The following ADAMTS15 variants were observed in gnomAD, a reference collection of about 807,000 sequenced individuals.
ADAMTS15 encodes the protein ADAM metallopeptidase with thrombospondin type 1 motif 15, also known as A disintegrin and metalloproteinase with thrombospondin motifs 15.
ADAMTS15 carries 35 observed loss-of-function variants against 79.1 expected under a neutral mutation model. That is an observed-to-expected ratio of 0.44 (90% confidence interval 0.34 to 0.59). The LOEUF is 0.59. Ranked by LOEUF, ADAMTS15 falls within the 20% of genes least tolerant of loss-of-function variation. ADAMTS15 has a pLI of 0.02. For missense variants in ADAMTS15, 1,324 were observed against 1,318.7 expected (o/e 1.00, Z -0.06); for synonymous variants, 616 against 567.3 (o/e 1.09, Z -1.22).
intron 4 of ADAMTS15, among the ~76,000 whole-genome samples, chr11:130,466,457 C>T (rs922219411): frequency 2.0e-5 from 3 of 152,184 alleles, no homozygotes; most frequent in Admixed American, 6.5e-5. Context: ...GCGCTGGCAA[C>T]TCCACATTCT....
At position 130,473,929 on chromosome 11, in the gene ADAMTS15, G is replaced by C; in HGVS notation, c.*108G>C. 1 of 1,389,876 alleles carries C rather than the reference G, an allele frequency of 7.2e-7. No individual in the cohort carries two copies. Among genetic ancestry groups the C allele is most frequent in the Non-Finnish European group, 9.5e-7 (1 of 1,050,190 alleles). The allele number at this position is 1,389,876 out of a possible 1,614,324, so 86.1% of individuals were successfully genotyped here. A position where few individuals can be genotyped will look rare whatever the true frequency, so the allele number is the denominator to read the frequency against. On this transcript the variant is annotated 3_prime_UTR_variant, in exon 8 of 8. Transcript: ENST00000299164. Reference sequence around the variant, plus strand: ...GGTGGCCAGGGGCTCACGCCACGATGTCACCCACATCCGGGGACAAGGACC... The same window carrying C: ...GGTGGCCAGGGGCTCACGCCACGATCTCACCCACATCCGGGGACAAGGACC...
At chr11:130,451,291 A>C (rs897602597) in intron 1 of ADAMTS15, among the ~76,000 whole-genome samples, 1 of 152,200 alleles carries the variant, frequency 6.6e-6, no homozygotes, top group East Asian at 1.9e-4. Context: ...GGACTGGCGC[A>C]CACAGTCTGG....
chr11:130,464,452 C>T (rs1592147785), intron 4 of ADAMTS15, among the ~76,000 whole-genome samples: 1 of 152,268 alleles, frequency 6.6e-6, no homozygotes, highest in African/African-American at 2.4e-5. Context: ...CTGCAGCTCC[C>T]ACAGATCTGT....
rs1324345446 is a variant in ADAMTS15, at chr11:130,448,937, C to A, written c.-37C>A. 3.4e-6 allele frequency: 5 copies of A among 1,457,282 alleles called. No homozygotes were observed. Among genetic ancestry groups the A allele is most frequent in the South Asian group, 1.6e-5 (1 of 64,340 alleles). 90.3% of individuals were successfully genotyped at this position (1,457,282 alleles called of 1,614,324 possible). On this transcript the variant is annotated 5_prime_UTR_variant, in exon 1 of 8. Transcript: ENST00000299164. ...GCAGCGGCCGGAGAGCCCGGCCCAG[C>A]CCCTTCCCACAGCGCGGCGGTGCGC...
rs977077782 is a variant in ADAMTS15, at chr11:130,472,812, G to A, written c.2079-235G>A. Among the ~76,000 whole-genome samples the A allele has an allele frequency of 9.2e-5, 14 of 152,312 alleles. No individual in the cohort carries two copies. Among genetic ancestry groups the A allele is most frequent in the African/African-American group, 2.9e-4 (12 of 41,568 alleles). On this transcript the variant is annotated intron_variant, in intron 7 of 7. Coordinates refer to ENST00000299164, the MANE Select transcript of ADAMTS15 (RefSeq NM_139055.4). The surrounding 1 kb of genome is among the most constrained non-coding windows in gnomAD (Gnocchi z 4.7). The stretch of plus-strand genomic sequence containing the variant: ...AGTCCTCCCTGCAATTCAGTGAGGT[G>A]TGTGGAATTCTGAGCTCCACTTTAC...
chr11:130,459,025 G>GTTTTTTTTT (rs757221690), intron 1 of ADAMTS15, among the ~76,000 whole-genome samples: 2 of 75,408 alleles, frequency 2.7e-5, no homozygotes, highest in African/African-American at 1.3e-4. Flanking sequence ...CCTCCCAAGT[G>GTTTTTTTTT]TTTTTTTTTT....
chr11:130,452,962 A>C (rs1937994884), intron 1 of ADAMTS15, among the ~76,000 whole-genome samples: 1 of 146,542 alleles, frequency 6.8e-6, no homozygotes, highest in African/African-American at 2.6e-5. Context: ...GCCTGGTGAC[A>C]GAGTGAGGCT....
intron 5 of ADAMTS15, among the ~76,000 whole-genome samples, chr11:130,470,596 A>C (rs973186217): frequency 2.0e-5 from 3 of 152,154 alleles, no homozygotes; most frequent in Non-Finnish European, 4.4e-5. Context: ...TTGTATAGCA[A>C]ATGTAACTGG....
rs766840294 is a variant in ADAMTS15 at position 130,473,358 on chromosome 11, CCTT to C, written c.2393_2395del (p.Phe798del). ...ATGACACCGCCCCGGGTCCGCTACT[CCTT>C]CTATCTGCCCAAAGAGCCTCGGGAG... On this transcript the variant is annotated inframe_deletion, in exon 8 of 8. Coordinates refer to ENST00000299164, the MANE Select transcript of ADAMTS15 (RefSeq NM_139055.4). 14 of 1,612,918 alleles carry C rather than the reference CCTT, an allele frequency of 8.7e-6. No individual in the cohort carries two copies. In the Admixed American group the frequency reaches 1.2e-4, roughly 13 times the overall value.
In ADAMTS15 at chr11:130,465,203, G is replaced by GA. The variant is rs1297071461; in HGVS notation, c.1542+2429dup. Among the ~76,000 whole-genome samples the GA allele has an allele frequency of 7.2e-5, 11 of 152,056 alleles. No homozygotes were observed. The South Asian group carries it at 1.0e-3, about 14-fold the overall frequency. On this transcript the variant is annotated intron_variant, in intron 4 of 7. Coordinates refer to ENST00000299164, the MANE Select transcript of ADAMTS15 (RefSeq NM_139055.4). Reference sequence around the variant, plus strand: ...CCTTTCTTCTCATTTCCCGACGGGGGAAAAAACCAAGTAATCAGAAGGGAA... The same window carrying GA: ...CCTTTCTTCTCATTTCCCGACGGGGGAAAAAAACCAAGTAATCAGAAGGGAA...
intron 5 of ADAMTS15, among the ~76,000 whole-genome samples, 175 bp downstream of exon 5, chr11:130,469,614 A>G (rs552386504): frequency 6.6e-6 from 1 of 152,368 alleles, no homozygotes; most frequent in Admixed American, 6.5e-5. Context: ...GACTGCAGTC[A>G]GGATTCCAAC....
Position 130,449,650 on chromosome 11 carries a change from C to T in ADAMTS15, c.677C>T (p.Ala226Val). The T allele has an allele frequency of 3.1e-6, 5 of 1,598,974 alleles. No individual in the cohort carries two copies. The highest frequency in any genetic ancestry group is 3.4e-6 in the Non-Finnish European group (4 of 1,173,198). Residue 226 changes from alanine (A) to valine (V), a missense_variant, in exon 1 of 8, where the codon GCG (alanine) becomes GTG (valine). Transcript: ENST00000299164. The surrounding 1 kb of genome is among the most constrained non-coding windows in gnomAD (Gnocchi z 7.8). Reference sequence around the variant, plus strand: ...CGGTACGTGGAGACGCTGGTGGTCGCGGACGAGTCAATGGTCAAGTTCCAC... The same window carrying T: ...CGGTACGTGGAGACGCTGGTGGTCGTGGACGAGTCAATGGTCAAGTTCCAC... Reference protein sequence around the residue: ...IPRYVETLVVADESMVKFHGA... With the variant: ...IPRYVETLVVVDESMVKFHGA...
rs1292483518 is a variant in ADAMTS15 at position 130,461,763 on chromosome 11, G to C, written c.1090+142G>C. 3.0e-6 allele frequency: 4 copies of C among 1,339,278 alleles called. No individual in the cohort carries two copies. In the African/African-American group the frequency reaches 5.9e-5, roughly 20 times the overall value. The allele number at this position is 1,339,278 out of a possible 1,614,324, so 83.0% of individuals were successfully genotyped here. A position where few individuals can be genotyped will look rare whatever the true frequency, so the allele number is the denominator to read the frequency against. On this transcript the variant is annotated intron_variant, in intron 2 of 7. Transcript: ENST00000299164. ...CACAGTGAGCCTTAGCAGCAGCTTT[G>C]TACTTTTTCCGATTGCCCCAGCCCC...
Position 130,474,525 on chromosome 11 carries a change from C to A in ADAMTS15, c.*704C>A, listed in dbSNP as rs1472161700. 38 of 152,404 alleles carry A rather than the reference C, an allele frequency of 2.5e-4. No homozygotes were observed. The highest frequency in any genetic ancestry group is 2.5e-3 in the Admixed American group (38 of 15,284). The allele number at this position is 152,404 out of a possible 1,614,324, so 9.4% of individuals were successfully genotyped here. On this transcript the variant is annotated 3_prime_UTR_variant, in exon 8 of 8. Transcript: ENST00000299164. Reference sequence around the variant, plus strand: ...GGTAGGGCTGCCACGGAAGTGTCCTCTGAGGCTCTGCAGGTAGCGGGGAAA... The same window carrying A: ...GGTAGGGCTGCCACGGAAGTGTCCTATGAGGCTCTGCAGGTAGCGGGGAAA...
At chr11:130,450,299 G>A (rs1190524870) in intron 1 of ADAMTS15, 2 of 985,350 alleles carry the variant, frequency 2.0e-6, no homozygotes, top group Non-Finnish European at 2.4e-6. Flanking sequence ...GAGAGGGCGG[G>A]AACGGCCCAC....
rs528852890 is a variant in ADAMTS15, at chr11:130,466,168, C to T, written c.1543-3094C>T. 1.9e-4 allele frequency among the ~76,000 whole-genome samples: 29 copies of T among 152,312 alleles called. No individual in the cohort carries two copies. The South Asian group carries it at 3.9e-3, about 21-fold the overall frequency. On this transcript the variant is annotated intron_variant, in intron 4 of 7. Coordinates refer to ENST00000299164, the MANE Select transcript of ADAMTS15 (RefSeq NM_139055.4). ...GATCACAGGCGTGAGCCACCGCGCC[C>T]GGCCTGTACTCTCATTTTCTGAAGT...
rs1231682514 is a variant in ADAMTS15 at position 130,472,878 on chromosome 11, C to T, written c.2079-169C>T. Among the ~76,000 whole-genome samples, 3 of 152,248 alleles carry T rather than the reference C, an allele frequency of 2.0e-5. No individual in the cohort carries two copies. The East Asian group carries it at 5.8e-4, about 29-fold the overall frequency. Reference sequence around the variant, plus strand: ...GGCTTGGAGAAGTTCAGCAGCTTTCCAGCACCAATCGCCAAGGGGCAGGGA... The same window carrying T: ...GGCTTGGAGAAGTTCAGCAGCTTTCTAGCACCAATCGCCAAGGGGCAGGGA... On this transcript the variant is annotated intron_variant, in intron 7 of 7. Transcript: ENST00000299164. This position sits in a 1 kb window ranked among gnomAD's most constrained non-coding sequence, Gnocchi z 4.7.
intron 1 of ADAMTS15, among the ~76,000 whole-genome samples, chr11:130,459,103 G>C (rs1235078340): frequency 1.4e-5 from 2 of 139,442 alleles, no homozygotes; most frequent in Non-Finnish European, 3.0e-5. Context: ...GCGTGATCAC[G>C]GGTCACTGTA....
chr11:130,465,638 A>G (rs760952398), intron 4 of ADAMTS15, among the ~76,000 whole-genome samples: 2 of 151,614 alleles, frequency 1.3e-5, no homozygotes, highest in Admixed American at 6.6e-5. Context: ...CTCCAAAACA[A>G]CTCTTATTAA....
Sources: allele counts gnomAD v4.1 joint callset (sites outside exome capture counted in the v4.1 genomes callset), GRCh38; gene constraint gnomAD v4.1.1; non-coding constraint Gnocchi (gnomAD v3.1); transcripts MANE v1.5; gene names NCBI Gene and HGNC (gene_info 2026-07-23, HGNC 2026-07-21).